The following BORCS5 variants were observed in gnomAD, a reference collection of about 807,000 sequenced individuals.
BORCS5 encodes the protein BLOC-1-related complex subunit 5.
A neutral mutation model predicts 22.1 loss-of-function variants in BORCS5; 17 were observed. The observed-to-expected ratio is 0.77, with a 90% CI of 0.53 to 1.15. The LOEUF is 1.15. Among genes scored for constraint, BORCS5 ranks in the 50% most tolerant of loss-of-function variants. The pLI, the probability that BORCS5 is intolerant of heterozygous loss-of-function variation, is 0.00. For missense variants in BORCS5, 247 were observed against 253.2 expected, an observed-to-expected ratio of 0.98 and a Z score of 0.17; for synonymous variants, 117 against 99.8, an observed-to-expected ratio of 1.17 and a Z score of -1.03.
intron 2 of BORCS5, among the ~76,000 whole-genome samples, chr12:12,387,374 T>C (rs930097309): frequency 1.3e-5 from 2 of 151,564 alleles, no homozygotes; most frequent in Non-Finnish European, 3.0e-5. Flanking sequence ...AACTAATTCA[T>C]AGTAAAAACA....
At chr12:12,457,592 C>T (rs1319486497) in intron 3 of BORCS5, among the ~76,000 whole-genome samples, 1 of 151,964 alleles carries the variant, frequency 6.6e-6, no homozygotes, top group Non-Finnish European at 1.5e-5. Context: ...TGGCGTGAAC[C>T]CCGGGGGGCA....
At chr12:12,416,194 T>G (rs1348471812) in intron 2 of BORCS5, among the ~76,000 whole-genome samples, 1 of 152,176 alleles carries the variant, frequency 6.6e-6, no homozygotes, top group Non-Finnish European at 1.5e-5. Flanking sequence ...GTTTTAGTAT[T>G]TGAGTTGTCT....
Position 12,470,527 on chromosome 12 carries a change from T to C in BORCS5, c.*4751T>C, listed in dbSNP as rs563037150. ...AGGTTTTGCGCTCCTTATGAGAATC[T>C]AATGCCTGATGATCTGAGATGGAAC... On this transcript the variant is annotated 3_prime_UTR_variant, in exon 4 of 4. Coordinates refer to ENST00000314565, the MANE Select transcript of BORCS5 (RefSeq NM_058169.6). Among the ~76,000 whole-genome samples the C allele has an allele frequency of 1.0e-3, 153 of 152,298 alleles. No homozygotes were observed. Among genetic ancestry groups the C allele is most frequent in the Admixed American group, 1.8e-3 (27 of 15,304 alleles).
chr12:12,414,069 C>T (rs1371352272), intron 2 of BORCS5, among the ~76,000 whole-genome samples: 1 of 81,768 alleles, frequency 1.2e-5, no homozygotes, highest in Non-Finnish European at 2.6e-5. Flanking sequence ...GCTGATCCCC[C>T]CACATCCCTC....
Position 12,374,001 on chromosome 12 carries a change from T to TTTTTG in BORCS5, c.202+12653_202+12657dup, listed in dbSNP as rs1214014952. ...GTATTCTTTTTTTTTTTTTTTTTTT[T>TTTTTG]TTTTGAGACGGAGTCTCGCTCTGTC... On this transcript the variant is annotated intron_variant, in intron 2 of 3. Coordinates refer to ENST00000314565, the MANE Select transcript of BORCS5 (RefSeq NM_058169.6). Among the ~76,000 whole-genome samples the TTTTTG allele has an allele frequency of 4.1e-5, 6 of 146,258 alleles. 1 individual carries two copies. Among genetic ancestry groups the TTTTTG allele is most frequent in the African/African-American group, 1.5e-4 (6 of 38,844 alleles).
intron 2 of BORCS5, among the ~76,000 whole-genome samples, chr12:12,379,833 C>T (rs181998829): frequency 6.6e-6 from 1 of 151,446 alleles, no homozygotes; most frequent in African/African-American, 2.4e-5. Flanking sequence ...AAGAACTTGT[C>T]CTTTGCATTC....
chr12:12,379,398 G>A (rs770178358), intron 2 of BORCS5, among the ~76,000 whole-genome samples: 2 of 151,226 alleles, frequency 1.3e-5, no homozygotes, highest in Admixed American at 6.6e-5. Context: ...TACAGGCATG[G>A]GCCACCACAC....
Position 12,441,720 on chromosome 12 carries a change from A to AT in BORCS5, c.360+5948dup, listed in dbSNP as rs5796491. ...TAAATAGAGGCAAGGCAAAAAAAAA[A>AT]TTTTTTTTTTTTTAAGCCCACTGTG... On this transcript the variant is annotated intron_variant, in intron 3 of 3. Transcript: ENST00000314565. 6.5e-4 allele frequency among the ~76,000 whole-genome samples: 96 copies of AT among 147,792 alleles called. No individual in the cohort carries two copies. In the East Asian group the frequency reaches 0.013, roughly 21 times the overall value.
intron 2 of BORCS5, among the ~76,000 whole-genome samples, chr12:12,380,750 T>C (rs1863758310): frequency 6.6e-6 from 1 of 151,366 alleles, no homozygotes. Context: ...AATTCAGTAT[T>C]CTCTTTATTT....
intron 2 of BORCS5, among the ~76,000 whole-genome samples, chr12:12,371,574 A>C (rs891045851): frequency 6.6e-6 from 1 of 152,160 alleles, no homozygotes; most frequent in Non-Finnish European, 1.5e-5. Context: ...GATTGCAGGC[A>C]TGAGCCACCA....
intron 2 of BORCS5, among the ~76,000 whole-genome samples, chr12:12,426,638 T>A (rs569868236): frequency 2.0e-5 from 3 of 152,342 alleles, no homozygotes; most frequent in Admixed American, 1.3e-4. Context: ...TCTCTGAGAC[T>A]TAAGAAATGC....
rs775762309 is a variant in BORCS5, at chr12:12,420,620, A to G, written c.203-15008A>G. ...GCTTAATGGGGATGGCATTGAATCTATAAATTACTTTGGGCAGTATGGCCA... is the reference window on the plus strand; with the variant it reads ...GCTTAATGGGGATGGCATTGAATCTGTAAATTACTTTGGGCAGTATGGCCA... On this transcript the variant is annotated intron_variant, in intron 2 of 3. Transcript: ENST00000314565. 7.2e-5 allele frequency among the ~76,000 whole-genome samples: 11 copies of G among 152,180 alleles called. No individual in the cohort carries two copies. In the South Asian group the frequency reaches 2.3e-3, roughly 31 times the overall value.
rs1404068338 is a variant in BORCS5 at position 12,467,619 on chromosome 12, A to T, written c.*1843A>T. 2 of 152,228 alleles carry T rather than the reference A, an allele frequency of 1.3e-5. No homozygotes were observed. Among genetic ancestry groups the T allele is most frequent in the Non-Finnish European group, 2.9e-5 (2 of 68,034 alleles). The allele number at this position is 152,228 out of a possible 1,614,324, so 9.4% of individuals were successfully genotyped here. On this transcript the variant is annotated 3_prime_UTR_variant, in exon 4 of 4. Transcript: ENST00000314565. The stretch of plus-strand genomic sequence containing the variant: ...AAGTATGGCAGAAGAACAATAGGCA[A>T]ATTCAATACTCCCGGAAAGAATTCT...
chr12:12,434,908 G>A (rs1241861225), intron 2 of BORCS5, among the ~76,000 whole-genome samples: 1 of 152,174 alleles, frequency 6.6e-6, no homozygotes, highest in East Asian at 1.9e-4. Flanking sequence ...TCTAGACTGG[G>A]CTTTGCTTTG....
intron 3 of BORCS5, among the ~76,000 whole-genome samples, chr12:12,450,401 G>A (rs553481265): frequency 2.0e-5 from 3 of 152,220 alleles, no homozygotes; most frequent in East Asian, 1.9e-4. Flanking sequence ...ATGTACAGAC[G>A]AACTGCCAGT....
chr12:12,434,824 T>A (rs896853073), intron 2 of BORCS5, among the ~76,000 whole-genome samples: 4 of 152,234 alleles, frequency 2.6e-5, no homozygotes, highest in African/African-American at 9.6e-5. Context: ...TTTGGGGTCC[T>A]TGGTAATTTT....
At chr12:12,367,263 C>A (rs747161960) in intron 2 of BORCS5, among the ~76,000 whole-genome samples, 6 of 152,180 alleles carry the variant, frequency 3.9e-5, no homozygotes, top group Non-Finnish European at 7.3e-5. Context: ...CTTCTGTCAT[C>A]TGGACAAATA....
At chr12:12,433,974 T>G (rs1162846980) in intron 2 of BORCS5, among the ~76,000 whole-genome samples, 2 of 139,178 alleles carry the variant, frequency 1.4e-5, no homozygotes, top group African/African-American at 5.3e-5. Context: ...TTGGGGACAG[T>G]GAGGGGTGGA....
At chr12:12,399,401 T>A (rs894519601) in intron 2 of BORCS5, among the ~76,000 whole-genome samples, 2 of 152,196 alleles carry the variant, frequency 1.3e-5, no homozygotes, top group African/African-American at 4.8e-5. Flanking sequence ...GTGGTTGCTC[T>A]GCATTTTCAA....
Sources: allele counts gnomAD v4.1 joint callset (sites outside exome capture counted in the v4.1 genomes callset), GRCh38; gene constraint gnomAD v4.1.1; transcripts MANE v1.5; gene names NCBI Gene and HGNC (gene_info 2026-07-23, HGNC 2026-07-21).